The following GRB14 variants were observed in gnomAD, a reference collection of about 807,000 sequenced individuals.
GRB14 encodes growth factor receptor-bound protein 14.
A neutral mutation model predicts 69.1 loss-of-function variants in GRB14; 38 were observed. The observed-to-expected ratio is 0.55, with a 90% confidence interval of 0.42 to 0.72. The LOEUF (loss-of-function observed/expected upper bound fraction) is 0.72, where lower values mean the gene tolerates loss of function less well. GRB14 is among the 30% of genes least tolerant of loss of function. The pLI is 0.00. For synonymous variants in GRB14, 247 were observed against 241.3 expected (o/e 1.02, Z -0.22); for missense variants, 666 against 666.1 (o/e 1.00, Z 0.00).
At chr2:164,586,787 A>C (rs1052252859) in intron 2 of GRB14, among the ~76,000 whole-genome samples, 1 of 152,208 alleles carries the variant, frequency 6.6e-6, no homozygotes, top group Non-Finnish European at 1.5e-5. Flanking sequence ...TCTGAAGGAG[A>C]AAGAATAATT....
At chr2:164,610,667 GTTAAA>G (rs1690145785) in intron 2 of GRB14, among the ~76,000 whole-genome samples, 1 of 151,840 alleles carries the variant, frequency 6.6e-6, no homozygotes, top group South Asian at 2.1e-4. Context: ...AATATAATTT[GTTAAA>G]TTAGTTTTAA....
intron 2 of GRB14, among the ~76,000 whole-genome samples, chr2:164,559,798 T>TACC (rs1183059041): frequency 6.6e-6 from 1 of 152,196 alleles, no homozygotes; most frequent in African/African-American, 2.4e-5. Flanking sequence ...TCTGGGTAGA[T>TACC]ACCCAGAAGT....
rs184481806 is a variant in GRB14 at position 164,603,636 on chromosome 2, C to T, written c.324+16051G>A. Among the ~76,000 whole-genome samples, 650 of 149,416 alleles carry T rather than the reference C, an allele frequency of 4.4e-3. 9 individuals carry two copies. Among genetic ancestry groups the T allele is most frequent in the African/African-American group, 0.015 (601 of 40,222 alleles). On this transcript the variant is annotated intron_variant, in intron 2 of 13. Transcript: ENST00000263915. ...CAAGGTCGAGCCACTGCAATCTAAC[C>T]TGGGTGACAGAGTGAGACACCACCT...
At chr2:164,537,979 A>C (rs749036193) in intron 3 of GRB14, among the ~76,000 whole-genome samples, 1 of 152,014 alleles carries the variant, frequency 6.6e-6, no homozygotes. Context: ...CAGAAGAGGA[A>C]AAACACTTGT....
At chr2:164,574,766 C>A (rs1357324592) in intron 2 of GRB14, among the ~76,000 whole-genome samples, 2 of 151,738 alleles carry the variant, frequency 1.3e-5, no homozygotes, top group Non-Finnish European at 2.9e-5. Context: ...CAGAGCAAGA[C>A]CCTGTCTCTC....
chr2:164,497,064 G>C lies in GRB14; in HGVS notation c.1326C>G (p.His442Gln). 2 of 1,613,912 alleles carry C rather than the reference G, an allele frequency of 1.2e-6. No homozygotes were observed. The highest frequency in any genetic ancestry group is 1.7e-6 in the Non-Finnish European group (2 of 1,179,868). ...GCTGAGCCTCATCTCTAGAAATTTT[G>C]TGGTGAAACCATGGCTGGGACCGGT... The part of the protein sequence containing the change: ...AIHRSQPWFH[H>Q]KISRDEAQRL... The change falls in exon 12 of 14, where the codon CAC (histidine) becomes CAG (glutamine). Residue 442 changes from histidine (H) to glutamine (Q), a missense_variant. His to Gln is a conservative substitution (Grantham distance 24). Transcript: ENST00000263915.
intron 2 of GRB14, among the ~76,000 whole-genome samples, chr2:164,606,609 G>A (rs907637647): frequency 6.6e-6 from 1 of 151,996 alleles, no homozygotes; most frequent in Admixed American, 6.6e-5. Flanking sequence ...TAGGCTTCTG[G>A]GACAAAGGCA....
chr2:164,584,147 A>ATTTTTTTTTT lies in GRB14; in HGVS notation c.324+35530_324+35539dup, dbSNP rs55883951. On this transcript the variant is annotated intron_variant, in intron 2 of 13. Transcript: ENST00000263915. ...ATAGGCATCCACCACCAGCCTGGCT[A>ATTTTTTTTTT]TTTTTTTTTTTTTTTTTTTTTTTTT... Among the ~76,000 whole-genome samples, 35 of 49,896 alleles carry ATTTTTTTTTT rather than the reference A, an allele frequency of 7.0e-4. 2 individuals are homozygous for ATTTTTTTTTT. The highest frequency in any genetic ancestry group is 1.1e-3 in the African/African-American group (13 of 11,686). 32.7% of individuals were successfully genotyped at this position (49,896 alleles called of 152,430 possible).
At chr2:164,546,935 T>C (rs1038057850) in intron 3 of GRB14, among the ~76,000 whole-genome samples, 6 of 152,132 alleles carry the variant, frequency 3.9e-5, no homozygotes, top group African/African-American at 1.4e-4. Flanking sequence ...CCCAAACTGT[T>C]GGGATATCCC....
intron 3 of GRB14, among the ~76,000 whole-genome samples, chr2:164,536,415 GTTTA>G (rs66611529): frequency 0.027 from 4,130 of 152,164 alleles, 175 homozygotes; most frequent in African/African-American, 0.094. Flanking sequence ...TTAAAATTGT[GTTTA>G]TTTCTTTTTT....
At chr2:164,505,125 T>C (rs1272652878) in intron 8 of GRB14, among the ~76,000 whole-genome samples, 1 of 152,208 alleles carries the variant, frequency 6.6e-6, no homozygotes, top group African/African-American at 2.4e-5. Flanking sequence ...AATAAATTTA[T>C]GTTGCTTTAA....
At chr2:164,560,977 T>A (rs1051885410) in intron 2 of GRB14, among the ~76,000 whole-genome samples, 9 of 152,172 alleles carry the variant, frequency 5.9e-5, no homozygotes, top group Admixed American at 1.3e-4. Context: ...CTTCTTTTTT[T>A]TCCTGCCAAA....
chr2:164,595,462 A>C (rs1295743006), intron 2 of GRB14, among the ~76,000 whole-genome samples: 1 of 152,220 alleles, frequency 6.6e-6, no homozygotes, highest in Non-Finnish European at 1.5e-5. Context: ...AGGAAATGCT[A>C]TCTAGGAAAA....
intron 2 of GRB14, 150 bp from the exon 3 acceptor site, chr2:164,547,966 T>C (rs2105310581): frequency 5.6e-6 from 3 of 539,250 alleles, no homozygotes; most frequent in Non-Finnish European, 9.4e-6. Context: ...CAAATTAACA[T>C]GTCTATCACC....
chr2:164,493,285 AT>A, intron 13 of GRB14, 103 bp from the exon 14 acceptor site: 1 of 1,001,804 alleles, frequency 1.0e-6, no homozygotes, highest in South Asian at 1.7e-5. Flanking sequence ...TGCCAAGTTT[AT>A]AAAACTAAAA....
intron 8 of GRB14, among the ~76,000 whole-genome samples, chr2:164,507,679 G>A (rs1199899899): frequency 1.3e-5 from 2 of 152,158 alleles, no homozygotes; most frequent in Admixed American, 1.3e-4. Context: ...TCCCTGGATT[G>A]TATCTTTTCA....
chr2:164,533,251 G>C (rs1207433705), intron 3 of GRB14, among the ~76,000 whole-genome samples: 1 of 9,976 alleles, frequency 1.0e-4, no homozygotes, highest in East Asian at 1.6e-3. Context: ...TTTTTTTTTT[G>C]AGATGGAGTC....
At chr2:164,566,658 C>T (rs954431956) in intron 2 of GRB14, among the ~76,000 whole-genome samples, 4 of 152,060 alleles carry the variant, frequency 2.6e-5, no homozygotes, top group Non-Finnish European at 4.4e-5. Flanking sequence ...TAACCAATTT[C>T]CCCTAGGCTA....
At chr2:164,614,544 A>AT (rs891935819) in intron 2 of GRB14, among the ~76,000 whole-genome samples, 4 of 152,204 alleles carry the variant, frequency 2.6e-5, no homozygotes, top group African/African-American at 9.7e-5. Context: ...AAGAAAATTC[A>AT]TTTTTCAGAG....
Sources: allele counts gnomAD v4.1 joint callset (sites outside exome capture counted in the v4.1 genomes callset), GRCh38; gene constraint gnomAD v4.1.1; transcripts MANE v1.5; gene names NCBI Gene and HGNC (gene_info 2026-07-23, HGNC 2026-07-21).